The following DCAF8 variants were observed in gnomAD, a reference collection of about 807,000 sequenced individuals.
DCAF8 encodes DDB1 and CUL4 associated factor 8, also known as DDB1- and CUL4-associated factor 8.
A neutral mutation model predicts 68.0 loss-of-function variants in DCAF8; 20 were observed. The observed-to-expected ratio is 0.29, with a 90% CI of 0.21 to 0.43. DCAF8 has a LOEUF of 0.43. Among genes scored for constraint, DCAF8 ranks in the 20% least tolerant of loss-of-function variants. The pLI is 1.00. For missense variants in DCAF8, 460 were observed against 771.0 expected, an observed-to-expected ratio of 0.60 and a Z score of 4.78; for synonymous variants, 230 against 276.9, an observed-to-expected ratio of 0.83 and a Z score of 1.68.
At chr1:160,245,678 T>C (rs1392290161) in intron 2 of DCAF8, among the ~76,000 whole-genome samples, 3 of 152,002 alleles carry the variant, frequency 2.0e-5, no homozygotes, top group Admixed American at 6.6e-5. Flanking sequence ...TGAAGAAAAA[T>C]AGTGAGAAGC....
At chr1:160,257,048 T>C (rs763904700) in intron 2 of DCAF8, among the ~76,000 whole-genome samples, 18 of 152,230 alleles carry the variant, frequency 1.2e-4, no homozygotes, top group Admixed American at 5.9e-4. Flanking sequence ...CTGACTGATT[T>C]TAACAGCAAT....
chr1:160,237,134 C>T lies in DCAF8; in HGVS notation c.959+1G>A, dbSNP rs1275465865. 1.3e-6 allele frequency: 2 copies of T among 1,557,488 alleles called. No homozygotes were observed. The highest frequency in any genetic ancestry group is 1.2e-5 in the South Asian group (1 of 84,438). On this transcript the variant is annotated splice_donor_variant, in intron 6 of 13. Coordinates refer to ENST00000368074, the MANE Select transcript of DCAF8 (RefSeq NM_015726.4). LOFTEE classifies it high-confidence loss of function. ...TGTAATGATATTACTGCTACACTTA[C>T]GACGCTGGGCGGTCTTGTCTCAGGT...
In DCAF8 at chr1:160,217,637, C is replaced by T. The variant is rs533571248; in HGVS notation, c.1749G>A (p.Ser583=). Residue 583 remains serine (S), a synonymous_variant, in exon 14 of 14, where the codon TCG becomes TCA. Transcript: ENST00000368074. ...CCCGGTCAGGGCCCTCCTCCTCGTC[C>T]GATGTGTCTGAGGAGCTGGGAGACT... ...SDESPSSSDT[S]DEEEGPDRVQ... is the part of the protein sequence containing the mutation. 2.2e-5 allele frequency: 36 copies of T among 1,614,112 alleles called. No homozygotes were observed. Among genetic ancestry groups the T allele is most frequent in the South Asian group, 1.4e-4 (13 of 91,066 alleles).
chr1:160,239,386 G>T lies in DCAF8; in HGVS notation c.723+311C>A, dbSNP rs144374957. On this transcript the variant is annotated intron_variant, in intron 4 of 13. Transcript: ENST00000368074. Reference sequence around the variant, plus strand: ...AAGATCACTGAGCTAGTAAGCAGAAGGGCTAGGATTTGAACTCAGGCAGTT... The same window carrying T: ...AAGATCACTGAGCTAGTAAGCAGAATGGCTAGGATTTGAACTCAGGCAGTT... 35 of 1,397,180 alleles carry T rather than the reference G, an allele frequency of 2.5e-5. No individual in the cohort carries two copies. The East Asian group carries it at 8.4e-4, about 34-fold the overall frequency. 86.5% of individuals were successfully genotyped at this position (1,397,180 alleles called of 1,614,324 possible).
chr1:160,226,959 G>A (rs964521162), intron 7 of DCAF8, among the ~76,000 whole-genome samples: 1 of 152,184 alleles, frequency 6.6e-6, no homozygotes, highest in African/African-American at 2.4e-5. Flanking sequence ...CATTGGTAAT[G>A]GAATTAGATC....
intron 1 of DCAF8, chr1:160,261,976 C>T (rs1657113466): frequency 5.5e-6 from 1 of 183,464 alleles, no homozygotes; most frequent in Non-Finnish European, 1.1e-5. Context: ...CGCGGTGGCC[C>T]TGAGGTGACG....
chr1:160,218,142 T>C (rs1571076396), intron 13 of DCAF8, 182 bp downstream of exon 13: 2 of 659,430 alleles, frequency 3.0e-6, no homozygotes, highest in East Asian at 2.5e-5. Flanking sequence ...CAAAAGTAGA[T>C]ACCACCCTTT....
Position 160,240,248 on chromosome 1 carries a change from T to G in DCAF8, c.172A>C (p.Asn58His). ...LSLTGDDGGPNRTSTESRGTD... is the reference protein window; with the variant it reads ...LSLTGDDGGPHRTSTESRGTD... ...CCTCGACTTTCTGTGCTGGTGCGGT[T>G]GGGGCCACCATCATCCCCAGTCAAG... Residue 58 changes from asparagine to histidine, a missense_variant, in exon 4 of 14, where the codon AAC (asparagine) becomes CAC (histidine). Physicochemically the swap from Asn to His is moderately conservative, Grantham distance 68 (BLOSUM62 1). Transcript: ENST00000368074. The G allele has an allele frequency of 6.2e-7, 1 of 1,614,154 alleles. No individual in the cohort carries two copies. The highest frequency in any genetic ancestry group is 1.1e-5 in the South Asian group (1 of 91,080).
chr1:160,261,534 C>T (rs1178449260), intron 1 of DCAF8, 176 bp from the exon 2 acceptor site: 1 of 152,170 alleles, frequency 6.6e-6, no homozygotes, highest in African/African-American at 2.4e-5. Context: ...ATAAAATGAA[C>T]CAACATGAAG....
chr1:160,217,936 C>T (rs989430220), intron 13 of DCAF8: 7 of 520,588 alleles, frequency 1.3e-5, no homozygotes, highest in Non-Finnish European at 2.4e-5. Context: ...GGTATGGCTG[C>T]AAGCCAATGA....
At chr1:160,228,107 G>C (rs1304157303) in intron 7 of DCAF8, among the ~76,000 whole-genome samples, 7 of 103,426 alleles carry the variant, frequency 6.8e-5, no homozygotes, top group South Asian at 3.1e-4. Flanking sequence ...TTTTTTTTTT[G>C]GTAGAGACAC....
intron 11 of DCAF8, chr1:160,220,778 G>T (rs1655267436): frequency 6.6e-6 from 1 of 152,166 alleles, no homozygotes; most frequent in Non-Finnish European, 1.5e-5. Flanking sequence ...AAGATCTTTG[G>T]TTCTAACATT....
rs754766623 is a variant in DCAF8, at chr1:160,231,365, C to T, written c.1002G>A (p.Leu334=). 1 of 1,614,144 alleles carries T rather than the reference C, an allele frequency of 6.2e-7. No individual in the cohort carries two copies. The highest frequency in any genetic ancestry group is 8.5e-7 in the Non-Finnish European group (1 of 1,180,008). ...VTKEKEKKVG[L]YTIYVNPANT... ...TGGCAGGATTCACATAGATCGTATA[C>T]AGCCCCACTTTCTTCTCTTTCTCTT... The change falls in exon 7 of 14, where the codon CTG becomes CTA. Residue 334 remains leucine (L), a synonymous_variant. Transcript: ENST00000368074.
At chr1:160,236,180 A>G (rs1655867290) in intron 6 of DCAF8, among the ~76,000 whole-genome samples, 1 of 152,154 alleles carries the variant, frequency 6.6e-6, no homozygotes, top group African/African-American at 2.4e-5. Context: ...ATGAAAAAAG[A>G]AACTAAAATA....
At chr1:160,224,879 C>T (rs1189856908) in intron 9 of DCAF8, among the ~76,000 whole-genome samples, 183 bp downstream of exon 9, 1 of 152,222 alleles carries the variant, frequency 6.6e-6, no homozygotes, top group Non-Finnish European at 1.5e-5. Flanking sequence ...TGGTACCTGG[C>T]ATCTCCAAGG....
chr1:160,256,958 T>A (rs1656860195), intron 2 of DCAF8, among the ~76,000 whole-genome samples: 1 of 152,184 alleles, frequency 6.6e-6, no homozygotes, highest in African/African-American at 2.4e-5. Flanking sequence ...ACTCGCTAAT[T>A]TTTGAAAAGC....
intron 2 of DCAF8, among the ~76,000 whole-genome samples, chr1:160,257,306 A>G (rs1197071273): frequency 6.6e-6 from 1 of 152,220 alleles, no homozygotes; most frequent in African/African-American, 2.4e-5. Flanking sequence ...CAGAGACTTA[A>G]AAACTAACTC....
intron 2 of DCAF8, among the ~76,000 whole-genome samples, chr1:160,250,993 G>A (rs779740369): frequency 6.6e-6 from 1 of 151,968 alleles, no homozygotes; most frequent in Non-Finnish European, 1.5e-5. Context: ...CCTTTACTAA[G>A]ACCTGAATTC....
At chr1:160,224,086 T>C (rs1655388160) in intron 10 of DCAF8, among the ~76,000 whole-genome samples, 1 of 152,186 alleles carries the variant, frequency 6.6e-6, no homozygotes, top group African/African-American at 2.4e-5. Flanking sequence ...AGGTATAAGG[T>C]CACTCCCTAT....
Sources: gnomAD v4.1 joint callset for allele counts (sites outside exome capture counted in the v4.1 genomes callset) on GRCh38, gnomAD v4.1.1 for gene constraint, MANE v1.5 for transcripts, NCBI Gene and HGNC (gene_info 2026-07-23, HGNC 2026-07-21) for gene names.